NRXN3: variants seen among roughly 807,000 people sequenced by gnomAD.
The protein encoded by NRXN3 is neurexin III.
A neutral mutation model predicts 137.6 loss-of-function variants in NRXN3; 32 were observed. The observed-to-expected ratio is 0.23, with a 90% CI of 0.18 to 0.31. The LOEUF (loss-of-function observed/expected upper bound fraction) is 0.31, where lower values mean the gene tolerates loss of function less well. Among genes scored for constraint, NRXN3 ranks in the 10% least tolerant of loss-of-function variants. The probability of loss-of-function intolerance (pLI) is 1.00; values close to 1 mark genes in which losing one functional copy is unlikely to be tolerated. For synonymous variants in NRXN3, 798 were observed against 784.5 expected (o/e 1.02, Z -0.29); for missense variants, 1,574 against 2,062.5 (o/e 0.76, Z 4.59).
intron 15 of NRXN3, among the ~76,000 whole-genome samples, chr14:79,150,676 C>A (rs1162378250): frequency 6.7e-6 from 1 of 149,694 alleles, no homozygotes. Context: ...GCTGCTACTT[C>A]TCTGCAGATA....
intron 15 of NRXN3, among the ~76,000 whole-genome samples, chr14:79,173,595 A>G (rs2062009299): frequency 6.6e-6 from 1 of 151,856 alleles, no homozygotes; most frequent in South Asian, 2.1e-4. Flanking sequence ...TATGTAAATT[A>G]TATATTTGGA....
At chr14:79,790,943 C>G (rs1345910990) in intron 19 of NRXN3, among the ~76,000 whole-genome samples, 1 of 152,098 alleles carries the variant, frequency 6.6e-6, no homozygotes, top group Non-Finnish European at 1.5e-5. Context: ...GCCACCTCAC[C>G]CGGTCCAGCT....
intron 10 of NRXN3, among the ~76,000 whole-genome samples, chr14:78,901,689 A>C (rs2099196923): frequency 6.6e-6 from 1 of 152,014 alleles, no homozygotes; most frequent in African/African-American, 2.4e-5. Context: ...GCTCCTGGTC[A>C]CTTTCCTTCC....
intron 4 of NRXN3, among the ~76,000 whole-genome samples, chr14:78,538,645 A>T (rs999761549): frequency 6.6e-6 from 1 of 150,700 alleles, no homozygotes; most frequent in East Asian, 2.0e-4. Flanking sequence ...AACTTCCAAC[A>T]CTATGTTGAA....
In NRXN3 at chr14:79,697,920, T is replaced by C. The variant is rs932667734; in HGVS notation, c.3997T>C (p.Ser1333Pro). 22 of 1,610,176 alleles carry C rather than the reference T, an allele frequency of 1.4e-5. No homozygotes were observed. The highest frequency in any genetic ancestry group is 1.8e-5 in the Non-Finnish European group (21 of 1,176,888). ...MATTTTRKNRSTASIQPTSDD... is the reference protein window; with the variant it reads ...MATTTTRKNRPTASIQPTSDD... ...GACTACCACAACCCGTAAGAATCGC[T>C]CTACAGCCAGCATTCAGGTAGGCCT... Residue 1333 changes from serine to proline, a missense_variant, in exon 19 of 21, where the codon TCT becomes CCT. Around this residue, in one of 5 missense-constraint regions of NRXN3, gnomAD observed 320 missense variants for 387.1 expected, o/e 0.83. Transcript: ENST00000335750.
At chr14:79,789,309 T>C (rs774902599) in intron 19 of NRXN3, among the ~76,000 whole-genome samples, 8 of 152,064 alleles carry the variant, frequency 5.3e-5, no homozygotes, top group Admixed American at 5.2e-4. Context: ...ATTTTAGAGA[T>C]GGCTTTGCAG....
chr14:78,329,693 A>T (rs1035885829), intron 4 of NRXN3, among the ~76,000 whole-genome samples: 5 of 152,202 alleles, frequency 3.3e-5, no homozygotes, highest in Admixed American at 2.0e-4. Context: ...GTAGGAATTA[A>T]TATCCAAGGA....
chr14:79,039,861 A>G (rs2099622257), intron 15 of NRXN3, among the ~76,000 whole-genome samples: 1 of 151,910 alleles, frequency 6.6e-6, no homozygotes, highest in Non-Finnish European at 1.5e-5. Flanking sequence ...CTGGCTAAAT[A>G]TATATTTTGT....
At chr14:78,462,317 G>C (rs1276496782) in intron 4 of NRXN3, among the ~76,000 whole-genome samples, 1 of 152,082 alleles carries the variant, frequency 6.6e-6, no homozygotes, top group East Asian at 1.9e-4. Context: ...GAGGCCGAAG[G>C]GTGGCTCTGT....
chr14:78,270,452 T>G (rs778071404), intron 2 of NRXN3, among the ~76,000 whole-genome samples: 1 of 152,216 alleles, frequency 6.6e-6, no homozygotes, highest in African/African-American at 2.4e-5. Context: ...GCATCCTGTT[T>G]CCTGGCAGTG....
At chr14:79,731,938 A>G (rs995615507) in intron 19 of NRXN3, among the ~76,000 whole-genome samples, 2 of 150,526 alleles carry the variant, frequency 1.3e-5, no homozygotes, top group South Asian at 2.1e-4. Context: ...GCTTTTCCAT[A>G]GTTTTTTTCC....
At chr14:79,507,508 A>C (rs997228395) in intron 16 of NRXN3, among the ~76,000 whole-genome samples, 2 of 152,218 alleles carry the variant, frequency 1.3e-5, no homozygotes, top group African/African-American at 4.8e-5. Flanking sequence ...CTTTGAATAC[A>C]AATGCCTAGT....
chr14:78,836,677 G>A (rs1160263263), intron 10 of NRXN3, among the ~76,000 whole-genome samples: 1 of 152,134 alleles, frequency 6.6e-6, no homozygotes, highest in Non-Finnish European at 1.5e-5. Flanking sequence ...AGTTTAGTGG[G>A]CTCTAGTATT....
chr14:78,655,868 G>A (rs576073605), intron 6 of NRXN3, among the ~76,000 whole-genome samples: 1 of 152,270 alleles, frequency 6.6e-6, no homozygotes, highest in East Asian at 1.9e-4. Context: ...AGCCTGGTCA[G>A]GTTCTGGTGA....
chr14:79,673,602 G>A (rs2098623850), intron 17 of NRXN3, among the ~76,000 whole-genome samples: 1 of 152,076 alleles, frequency 6.6e-6, no homozygotes, highest in Non-Finnish European at 1.5e-5. Flanking sequence ...GTAGCTCTGA[G>A]TGGAGCCATT....
intron 4 of NRXN3, among the ~76,000 whole-genome samples, chr14:78,587,369 G>A (rs1356484591): frequency 2.0e-5 from 3 of 152,084 alleles, no homozygotes; most frequent in Non-Finnish European, 2.9e-5. Context: ...GCAAATCCTC[G>A]GTGCACCCCC....
chr14:78,219,608 A>T (rs527310695), intron 1 of NRXN3, among the ~76,000 whole-genome samples: 2 of 152,326 alleles, frequency 1.3e-5, no homozygotes, highest in Admixed American at 1.3e-4. Flanking sequence ...TGGAAGTAAT[A>T]ATACATCAGT....
intron 15 of NRXN3, among the ~76,000 whole-genome samples, chr14:79,202,504 T>C (rs954104441): frequency 1.3e-5 from 2 of 152,006 alleles, no homozygotes; most frequent in Non-Finnish European, 2.9e-5. Flanking sequence ...CACTGTACCA[T>C]ATTTGTAGTC....
At chr14:79,576,416 A>G (rs572001560) in intron 16 of NRXN3, among the ~76,000 whole-genome samples, 180 of 152,330 alleles carry the variant, frequency 1.2e-3, no homozygotes, top group Non-Finnish European at 2.0e-3. Context: ...GAAGAGGCTC[A>G]TGTATTTATG....
Sources: allele counts gnomAD v4.1 joint callset (sites outside exome capture counted in the v4.1 genomes callset), GRCh38; gene constraint gnomAD v4.1.1; regional missense constraint gnomAD v4.1.1; transcripts MANE v1.5; gene names NCBI Gene and HGNC (gene_info 2026-07-23, HGNC 2026-07-21).